Variants in LRRIQ3 observed in about 807,000 individuals in gnomAD.
LRRIQ3 encodes leucine-rich repeat and IQ domain-containing protein 3.
A neutral mutation model predicts 59.3 loss-of-function variants in LRRIQ3; 75 were observed. That is an observed-to-expected ratio of 1.26 (90% CI 1.05 to 1.53). The LOEUF (loss-of-function observed/expected upper bound fraction) is 1.53, where lower values mean the gene tolerates loss of function less well. Among genes scored for constraint, LRRIQ3 ranks in the 40% most tolerant of loss-of-function variants. The pLI is 0.00. For missense variants in LRRIQ3, 831 were observed against 710.0 expected (o/e 1.17, Z -1.94); for synonymous variants, 250 against 231.3 (o/e 1.08, Z -0.73).
chr1:74,164,419 G>GC (rs1209141243), intron 3 of LRRIQ3, among the ~76,000 whole-genome samples: 1 of 151,442 alleles, frequency 6.6e-6, no homozygotes, highest in Non-Finnish European at 1.5e-5. Context: ...GAGAAGAAGA[G>GC]CATCTACAAG....
chr1:74,102,574 G>T lies in LRRIQ3; in HGVS notation c.867+6820C>A, dbSNP rs544898370. ...AAAAGCAGGATGGAGGTTCTTCAAA[G>T]AATTAAAATTAGAACTATGATATGA... On this transcript the variant is annotated intron_variant, in intron 5 of 7. Coordinates refer to ENST00000354431, the MANE Select transcript of LRRIQ3 (RefSeq NM_001105659.2). Among the ~76,000 whole-genome samples, 4 of 152,096 alleles carry T rather than the reference G, an allele frequency of 2.6e-5. No homozygotes were observed. In the South Asian group the frequency reaches 8.3e-4, roughly 32 times the overall value.
intron 4 of LRRIQ3, among the ~76,000 whole-genome samples, chr1:74,151,128 C>T (rs1232560706): frequency 6.7e-6 from 1 of 149,252 alleles, no homozygotes; most frequent in Non-Finnish European, 1.5e-5. Context: ...AGCAATTCTC[C>T]TGCCTCAGCC....
At chr1:74,111,452 T>G (rs1646693290) in intron 4 of LRRIQ3, among the ~76,000 whole-genome samples, 2 of 151,902 alleles carry the variant, frequency 1.3e-5, no homozygotes, top group African/African-American at 4.8e-5. Context: ...ATTTGGCATG[T>G]CTGAAAAACA....
At chr1:74,069,489 A>T (rs533991374) in intron 6 of LRRIQ3, among the ~76,000 whole-genome samples, 2 of 142,158 alleles carry the variant, frequency 1.4e-5, no homozygotes, top group East Asian at 1.9e-4. Flanking sequence ...AGAGAAAAAT[A>T]AAAAAAATTG....
chr1:74,034,254 A>G (rs2100367240), intron 7 of LRRIQ3, among the ~76,000 whole-genome samples: 1 of 152,142 alleles, frequency 6.6e-6, no homozygotes, highest in Admixed American at 6.5e-5. Context: ...TCACTTTTTG[A>G]TCACATCTTC....
chr1:74,044,350 C>T (rs1654137152), intron 6 of LRRIQ3, among the ~76,000 whole-genome samples: 1 of 152,042 alleles, frequency 6.6e-6, no homozygotes, highest in Non-Finnish European at 1.5e-5. Flanking sequence ...GCTTGGTGCC[C>T]TCTCGTGATA....
chr1:74,082,675 TTTTAAG>T (rs1316682794), intron 5 of LRRIQ3: 9 of 151,536 alleles, frequency 5.9e-5, no homozygotes, highest in African/African-American at 1.2e-4. Context: ...AATTTATGTG[TTTTAAG>T]TTTGAGTTTG....
chr1:74,093,394 G>A (rs1166891842), intron 5 of LRRIQ3, among the ~76,000 whole-genome samples: 2 of 152,158 alleles, frequency 1.3e-5, no homozygotes, highest in East Asian at 1.9e-4. Context: ...TAACTGCTAT[G>A]GGGGCAGAAA....
chr1:74,160,012 C>G (rs1181196607), intron 3 of LRRIQ3, among the ~76,000 whole-genome samples: 1 of 151,832 alleles, frequency 6.6e-6, no homozygotes, highest in Non-Finnish European at 1.5e-5. Flanking sequence ...CCTAATTCCC[C>G]TATATTCAAT....
At chr1:74,042,886 A>G (rs977815980) in intron 6 of LRRIQ3, among the ~76,000 whole-genome samples, 10 of 152,012 alleles carry the variant, frequency 6.6e-5, no homozygotes, top group Non-Finnish European at 1.3e-4. Flanking sequence ...CCTTCTTTCC[A>G]CTACGTAGAG....
intron 3 of LRRIQ3, among the ~76,000 whole-genome samples, chr1:74,160,883 G>T (rs1028172175): frequency 6.6e-6 from 1 of 152,030 alleles, no homozygotes; most frequent in South Asian, 2.1e-4. Flanking sequence ...GGGTTTTGCA[G>T]AATTTCCTCT....
chr1:74,033,979 G>T (rs1309949843), intron 7 of LRRIQ3, among the ~76,000 whole-genome samples: 2 of 151,972 alleles, frequency 1.3e-5, no homozygotes, highest in African/African-American at 4.8e-5. Flanking sequence ...CTGATACATA[G>T]ATTCTTTCAT....
At chr1:74,137,638 G>A (rs1407113727) in intron 4 of LRRIQ3, among the ~76,000 whole-genome samples, 1 of 151,992 alleles carries the variant, frequency 6.6e-6, no homozygotes, top group Non-Finnish European at 1.5e-5. Flanking sequence ...AAAGACAAAT[G>A]CACAGGTATG....
intron 1 of LRRIQ3, among the ~76,000 whole-genome samples, chr1:74,197,568 G>T (rs1312833949): frequency 6.6e-6 from 1 of 152,128 alleles, no homozygotes; most frequent in East Asian, 1.9e-4. Flanking sequence ...ACAAAAGAAT[G>T]CCAGAGAAGA....
rs1234626103 is a variant in LRRIQ3 at position 74,026,350 on chromosome 1, C to A, written c.*463G>T. On this transcript the variant is annotated 3_prime_UTR_variant, in exon 8 of 8. Transcript: ENST00000354431. Reference sequence around the variant, plus strand: ...GAAACCATACTTTAAAAAATAAATTCAGAAATTGTTTTAACAAAATAAGCA... The same window carrying A: ...GAAACCATACTTTAAAAAATAAATTAAGAAATTGTTTTAACAAAATAAGCA... The A allele has an allele frequency of 6.6e-6, 1 of 151,942 alleles. No individual in the cohort carries two copies. Among genetic ancestry groups the A allele is most frequent in the Non-Finnish European group, 1.5e-5 (1 of 67,964 alleles). The allele number at this position is 151,942 out of a possible 1,614,324, so 9.4% of individuals were successfully genotyped here.
intron 4 of LRRIQ3, among the ~76,000 whole-genome samples, chr1:74,113,207 C>T (rs750255459): frequency 1.3e-5 from 2 of 151,738 alleles, no homozygotes; most frequent in African/African-American, 2.4e-5. Flanking sequence ...AAAAATTTTA[C>T]TATGGTGGCT....
chr1:74,084,250 G>A (rs2100502072), intron 5 of LRRIQ3: 2 of 1,527,096 alleles, frequency 1.3e-6, no homozygotes, highest in African/African-American at 1.4e-5. Flanking sequence ...GTTTAAAGAT[G>A]GAAAAAATCA....
intron 5 of LRRIQ3, among the ~76,000 whole-genome samples, chr1:74,090,813 G>A (rs1646386863): frequency 6.6e-6 from 1 of 152,012 alleles, no homozygotes; most frequent in Non-Finnish European, 1.5e-5. Flanking sequence ...AGGACTGCTT[G>A]AGTCCAGGAG....
At chr1:74,177,429 T>TTA (rs1049651205) in intron 3 of LRRIQ3, among the ~76,000 whole-genome samples, 52 of 152,132 alleles carry the variant, frequency 3.4e-4, no homozygotes, top group African/African-American at 9.9e-4. Flanking sequence ...AAACTCCTCT[T>TTA]TATATATATA....
Sources: gnomAD v4.1 joint callset for allele counts (sites outside exome capture counted in the v4.1 genomes callset) on GRCh38, gnomAD v4.1.1 for gene constraint, MANE v1.5 for transcripts, NCBI Gene and HGNC (gene_info 2026-07-23, HGNC 2026-07-21) for gene names.